ZC3H14: variants seen among roughly 807,000 people sequenced by gnomAD.
The protein encoded by ZC3H14 is zinc finger CCCH domain-containing protein 14.
Under a neutral mutation model 92.4 loss-of-function variants are expected in ZC3H14, and 31 were observed. That is an observed-to-expected ratio of 0.34 (90% confidence interval 0.25 to 0.45). The LOEUF (loss-of-function observed/expected upper bound fraction) is 0.45, where lower values mean the gene tolerates loss of function less well. ZC3H14 is among the 20% of genes least tolerant of loss of function. The pLI is 1.00. For synonymous variants in ZC3H14, 321 were observed against 300.9 expected (o/e 1.07, Z -0.69); for missense variants, 781 against 897.3 (o/e 0.87, Z 1.66).
In ZC3H14 at chr14:88,616,631, A is replaced by G; in HGVS notation, c.*4880A>G. Reference sequence around the variant, plus strand: ...AAGTTTGGGGAAAAATTTAGAAATTAGGACAAAACATTTTAAATATATGGG... The same window carrying G: ...AAGTTTGGGGAAAAATTTAGAAATTGGGACAAAACATTTTAAATATATGGG... On this transcript the variant is annotated 3_prime_UTR_variant, in exon 17 of 17. Transcript: ENST00000251038. The G allele has an allele frequency of 7.9e-7, 1 of 1,261,440 alleles. No individual in the cohort carries two copies. Among genetic ancestry groups the G allele is most frequent in the East Asian group, 2.5e-5 (1 of 39,256 alleles). The allele number at this position is 1,261,440 out of a possible 1,614,324, so 78.1% of individuals were successfully genotyped here.
In ZC3H14 at chr14:88,609,977, G is replaced by T. The variant is rs185239847; in HGVS notation, c.2097+174G>T. Among the ~76,000 whole-genome samples, 2,143 of 152,256 alleles carry T rather than the reference G, an allele frequency of 0.014. 103 individuals are homozygous for T. In the East Asian group the frequency reaches 0.19, roughly 13 times the overall value. ...TCCATCTGGCCCCTTAGGCCAAGTG[G>T]TCTGAAACTGTTCAATGTTAGTATC... is the stretch of plus-strand genomic sequence containing the variant. On this transcript the variant is annotated intron_variant, in intron 15 of 16. Coordinates refer to ENST00000251038, the MANE Select transcript of ZC3H14 (RefSeq NM_024824.5).
intron 1 of ZC3H14, 101 bp from the exon 2 acceptor site, chr14:88,563,550 G>T: frequency 1.3e-6 from 2 of 1,582,342 alleles, no homozygotes; most frequent in Middle Eastern, 1.7e-4. Context: ...CGGGGGATCC[G>T]AGGTGCGCGC....
rs1259960449 is a variant in ZC3H14 at position 88,626,663 on chromosome 14, A to G, written c.*14912A>G. On this transcript the variant is annotated 3_prime_UTR_variant, in exon 17 of 17. Coordinates refer to ENST00000251038, the MANE Select transcript of ZC3H14 (RefSeq NM_024824.5). Reference sequence around the variant, plus strand: ...TCCCCCTCTCATTAACATTCTTTTCACTCCCTAATTTCTGAAAGAACTAGA... The same window carrying G: ...TCCCCCTCTCATTAACATTCTTTTCGCTCCCTAATTTCTGAAAGAACTAGA... 4 of 683,026 alleles carry G rather than the reference A, an allele frequency of 5.9e-6. No homozygotes were observed. The African/African-American group carries it at 7.3e-5, about 12-fold the overall frequency. The allele number at this position is 683,026 out of a possible 1,614,324, so 42.3% of individuals were successfully genotyped here.
chr14:88,573,241 A>G (rs1166946924), intron 6 of ZC3H14, among the ~76,000 whole-genome samples: 5 of 151,826 alleles, frequency 3.3e-5, no homozygotes, highest in African/African-American at 7.2e-5. Context: ...TTAGCCAGGC[A>G]TGGTGGCAGG....
Position 88,615,870 on chromosome 14 carries a change from A to G in ZC3H14, c.*4119A>G, listed in dbSNP as rs1184693870. ...GACAAATAAGCTGCAATCAGAGAAG[A>G]AAATTGCAGGGAGTTAATTATGTTT... On this transcript the variant is annotated 3_prime_UTR_variant, in exon 17 of 17. Coordinates refer to ENST00000251038, the MANE Select transcript of ZC3H14 (RefSeq NM_024824.5). 6.2e-7 allele frequency: 1 copy of G among 1,608,872 alleles called. No individual in the cohort carries two copies. Among genetic ancestry groups the G allele is most frequent in the Non-Finnish European group, 8.5e-7 (1 of 1,177,460 alleles).
Position 88,621,074 on chromosome 14 carries a change from G to A in ZC3H14, c.*9323G>A. The A allele has an allele frequency of 6.4e-7, 1 of 1,567,924 alleles. No individual in the cohort carries two copies. The highest frequency in any genetic ancestry group is 8.6e-7 in the Non-Finnish European group (1 of 1,158,992). On this transcript the variant is annotated 3_prime_UTR_variant, in exon 17 of 17. Transcript: ENST00000251038. ...TTAGAACTTCCAACTTTTCTTTTTA[G>A]AAGTTGTAACCTCTTTTAAAAAAAT...
chr14:88,616,501 G>C lies in ZC3H14; in HGVS notation c.*4750G>C, dbSNP rs1595174964. On this transcript the variant is annotated 3_prime_UTR_variant, in exon 17 of 17. Transcript: ENST00000251038. ...AATTTGATAACTGATTATAGGTTTG[G>C]TGAAAAGCTAATTACAGCTTTTGTA... 3 of 603,412 alleles carry C rather than the reference G, an allele frequency of 5.0e-6. No individual in the cohort carries two copies. Among genetic ancestry groups the C allele is most frequent in the South Asian group, 2.3e-5 (1 of 42,998 alleles). The allele number at this position is 603,412 out of a possible 1,614,324, so 37.4% of individuals were successfully genotyped here.
Position 88,572,582 on chromosome 14 carries a change from A to G in ZC3H14, c.436A>G (p.Thr146Ala), listed in dbSNP as rs376138299. 1.2e-6 allele frequency: 2 copies of G among 1,614,166 alleles called. No individual in the cohort carries two copies. The highest frequency in any genetic ancestry group is 1.7e-6 in the Non-Finnish European group (2 of 1,180,036). The change falls in exon 6 of 17, where the codon ACT becomes GCT. Residue 146 changes from threonine to alanine, a missense_variant. Thr to Ala is a moderately conservative substitution (Grantham distance 58). Transcript: ENST00000251038. ...QESKTTNVRQ[T>A]YDDGAATRLM... ...TTTTGTTGTTCTTTTAAATAGACAG[A>G]CTTACGATGATGGAGCTGCAACCCG...
In ZC3H14 at chr14:88,626,993, A is replaced by G; in HGVS notation, c.*15242A>G. 1 of 1,613,966 alleles carries G rather than the reference A, an allele frequency of 6.2e-7. No homozygotes were observed. On this transcript the variant is annotated 3_prime_UTR_variant, in exon 17 of 17. Transcript: ENST00000251038. ...AACTGGGTATCTGAATCTGGTCGGA[A>G]TTCTGCCACAAAAATACGTTGATTG...
In ZC3H14 at chr14:88,618,305, A is replaced by G. The variant is rs1443551099; in HGVS notation, c.*6554A>G. 4 of 1,613,676 alleles carry G rather than the reference A, an allele frequency of 2.5e-6. No homozygotes were observed. The highest frequency in any genetic ancestry group is 2.2e-5 in the East Asian group (1 of 44,870). ...GTTTTCCTGAAGGCACTTCATAGAC[A>G]TGCCGTTTATAGCAGCCACTAGAGA... On this transcript the variant is annotated 3_prime_UTR_variant, in exon 17 of 17. Coordinates refer to ENST00000251038, the MANE Select transcript of ZC3H14 (RefSeq NM_024824.5).
rs762212365 is a variant in ZC3H14, at chr14:88,563,700, G to GT, written c.79+14dup. The GT allele has an allele frequency of 2.1e-4, 335 of 1,613,454 alleles. 6 individuals carry two copies. The Middle Eastern group carries it at 2.5e-3, about 12-fold the overall frequency. On this transcript the variant is annotated splice_region_variant and intron_variant, in intron 2 of 16. Coordinates refer to ENST00000251038, the MANE Select transcript of ZC3H14 (RefSeq NM_024824.5). ...GAATTAGGAGCTTATGTTGGTAAGT[G>GT]TTTTTTTGGTTGTTAGTCTTACAGA... is the stretch of plus-strand genomic sequence containing the variant.
At chr14:88,583,845 A>G (rs2082185737) in intron 9 of ZC3H14, among the ~76,000 whole-genome samples, 1 of 152,206 alleles carries the variant, frequency 6.6e-6, no homozygotes, top group Admixed American at 6.5e-5. Context: ...ACATTATTCA[A>G]ATCTTGACCT....
intron 6 of ZC3H14, among the ~76,000 whole-genome samples, chr14:88,574,045 A>ATAT (rs1182958615): frequency 6.6e-6 from 1 of 152,122 alleles, no homozygotes; most frequent in Non-Finnish European, 1.5e-5. Context: ...AGCATTTGAG[A>ATAT]TATTAATCTT....
intron 6 of ZC3H14, among the ~76,000 whole-genome samples, chr14:88,573,516 C>T (rs536047965): frequency 6.6e-6 from 1 of 152,268 alleles, no homozygotes; most frequent in African/African-American, 2.4e-5. Context: ...TCACTGCAAC[C>T]TCCACCTCCT....
At chr14:88,596,896 C>A in intron 10 of ZC3H14, 88 bp downstream of exon 10, 5 of 1,070,320 alleles carry the variant, frequency 4.7e-6, no homozygotes, top group Non-Finnish European at 7.3e-6. Flanking sequence ...TCTCGGATCT[C>A]TTAGATCCTG....
At position 88,625,100 on chromosome 14, in the gene ZC3H14, T is replaced by G. The variant is rs2089716910; in HGVS notation, c.*13349T>G. The G allele has an allele frequency of 6.2e-7, 1 of 1,613,802 alleles. No individual in the cohort carries two copies. The highest frequency in any genetic ancestry group is 1.1e-5 in the South Asian group (1 of 90,998). On this transcript the variant is annotated 3_prime_UTR_variant, in exon 17 of 17. Transcript: ENST00000251038. The stretch of plus-strand genomic sequence containing the variant: ...TCTTTCCACACACAGACATCACCAC[T>G]GATGGTACCTGTAAACGTCAAGTTA...
intron 13 of ZC3H14, among the ~76,000 whole-genome samples, chr14:88,607,900 A>AAGTG (rs1452583975): frequency 5.2e-5 from 4 of 76,418 alleles, no homozygotes; most frequent in African/African-American, 2.1e-4. Flanking sequence ...CTCACCCTGC[A>AAGTG]AGTATCATCC....
At chr14:88,579,984 G>A (rs2081681524) in intron 9 of ZC3H14, among the ~76,000 whole-genome samples, 1 of 152,222 alleles carries the variant, frequency 6.6e-6, no homozygotes, top group South Asian at 2.1e-4. Flanking sequence ...GGCTGAGGCA[G>A]GAGGATCACT....
In ZC3H14 at chr14:88,595,044, A is replaced by T. The variant is rs772041693; in HGVS notation, c.1280-1690A>T. The T allele has an allele frequency of 2.5e-6, 4 of 1,613,636 alleles. No individual in the cohort carries two copies. In the South Asian group the frequency reaches 3.3e-5, roughly 13 times the overall value. On this transcript the variant is annotated intron_variant, in intron 9 of 16. Transcript: ENST00000251038. ...ACAGACAGTTTGAAGATCAAGAAGA[A>T]GATACTGAATCACAGTCAAGAACTA...
Sources: gnomAD v4.1 joint callset for allele counts (sites outside exome capture counted in the v4.1 genomes callset) on GRCh38, gnomAD v4.1.1 for gene constraint, MANE v1.5 for transcripts, NCBI Gene and HGNC (gene_info 2026-07-23, HGNC 2026-07-21) for gene names.